PAPPA: variants seen among roughly 807,000 people sequenced by gnomAD.
The protein encoded by PAPPA is pappalysin-1.
A neutral mutation model predicts 164.0 loss-of-function variants in PAPPA; 60 were observed. The ratio of observed to expected loss-of-function variants is 0.37; its 90% confidence interval spans 0.30 to 0.45. PAPPA has a LOEUF of 0.45. Among genes scored for constraint, PAPPA ranks in the 20% least tolerant of loss-of-function variants. PAPPA has a pLI of 1.00. For missense variants in PAPPA, 1,782 were observed against 2,087.3 expected, an observed-to-expected ratio of 0.85 and a Z score of 2.85; for synonymous variants, 875 against 814.1, an observed-to-expected ratio of 1.07 and a Z score of -1.27.
chr9:116,359,696 C>T (rs1846398413), intron 17 of PAPPA, among the ~76,000 whole-genome samples: 1 of 152,184 alleles, frequency 6.6e-6, no homozygotes, highest in Admixed American at 6.5e-5. Flanking sequence ...AGAAAGTCTG[C>T]ATGCAGAGGG....
intron 7 of PAPPA, among the ~76,000 whole-genome samples, chr9:116,257,895 AAT>A (rs1339742451): frequency 1.6e-4 from 24 of 151,984 alleles, no homozygotes; most frequent in African/African-American, 5.6e-4. Flanking sequence ...AAACTATTAG[AAT>A]ACAAATAAAC....
At chr9:116,324,456 A>G (rs1845897673) in intron 10 of PAPPA, among the ~76,000 whole-genome samples, 1 of 152,166 alleles carries the variant, frequency 6.6e-6, no homozygotes, top group Non-Finnish European at 1.5e-5. Flanking sequence ...CTGGGCCCCT[A>G]TTATTTCCTG....
intron 17 of PAPPA, among the ~76,000 whole-genome samples, chr9:116,358,910 A>G (rs572875098): frequency 6.6e-6 from 1 of 152,346 alleles, no homozygotes; most frequent in African/African-American, 2.4e-5. Flanking sequence ...CAGCAAAGTG[A>G]GTAAGAACCT....
chr9:116,284,545 CTTTTTT>C (rs61248033), intron 9 of PAPPA, among the ~76,000 whole-genome samples: 2 of 88,238 alleles, frequency 2.3e-5, no homozygotes, highest in African/African-American at 9.1e-5. Flanking sequence ...TAGTCTGGGC[CTTTTTT>C]TTTTTTTTTT....
intron 5 of PAPPA, among the ~76,000 whole-genome samples, chr9:116,221,372 A>G (rs1844443965): frequency 6.6e-6 from 1 of 152,224 alleles, no homozygotes; most frequent in Non-Finnish European, 1.5e-5. Context: ...TATATTAATG[A>G]TGGTAAAAAT....
intron 1 of PAPPA, among the ~76,000 whole-genome samples, chr9:116,161,207 C>A (rs965092212): frequency 2.6e-5 from 4 of 152,142 alleles, no homozygotes; most frequent in African/African-American, 2.4e-5. Context: ...AGTTAGCAAA[C>A]CTTTTCATGC....
intron 21 of PAPPA, among the ~76,000 whole-genome samples, chr9:116,385,055 G>A (rs1846788778): frequency 1.3e-5 from 2 of 151,900 alleles, no homozygotes; most frequent in African/African-American, 2.4e-5. Flanking sequence ...CCAAGATGGT[G>A]AAACCCCGTC....
chr9:116,320,875 G>A (rs1240225219), intron 10 of PAPPA, among the ~76,000 whole-genome samples: 1 of 152,164 alleles, frequency 6.6e-6, no homozygotes, highest in Non-Finnish European at 1.5e-5. Flanking sequence ...AGGGATAGAA[G>A]TAGGAATGAA....
At position 116,374,189 on chromosome 9, in the gene PAPPA, TG is replaced by T. The variant is rs1846618621; in HGVS notation, c.4606-3386del. Among the ~76,000 whole-genome samples the T allele has an allele frequency of 4.9e-5, 5 of 102,826 alleles. No homozygotes were observed. The East Asian group carries it at 1.4e-3, about 29-fold the overall frequency. 67.5% of individuals were successfully genotyped at this position (102,826 alleles called of 152,430 possible). A position where few individuals can be genotyped will look rare whatever the true frequency, so the allele number is the denominator to read the frequency against. ...GTGGTGTTGATGATGATGATGGTGG[TG>T]ATGATGATGGTGGTGCCAATGGTGC... On this transcript the variant is annotated intron_variant, in intron 19 of 21. Transcript: ENST00000328252.
intron 9 of PAPPA, chr9:116,288,816 C>T (rs2118859517): frequency 6.6e-6 from 1 of 151,926 alleles, no homozygotes; most frequent in Non-Finnish European, 1.5e-5. Flanking sequence ...GGAGGATGGT[C>T]TTTGAGGTGA....
intron 1 of PAPPA, among the ~76,000 whole-genome samples, chr9:116,156,257 A>C (rs10983069): frequency 0.45 from 64,674 of 145,024 alleles, 17,258 homozygotes; most frequent in Non-Finnish European, 0.61. Flanking sequence ...TAACTATGTA[A>C]GTGTGTCTAC....
At position 116,381,297 on chromosome 9, in the gene PAPPA, A is replaced by T. The variant is rs74868828; in HGVS notation, c.4678-1098A>T. On this transcript the variant is annotated intron_variant, in intron 20 of 21. Transcript: ENST00000328252. Reference sequence around the variant, plus strand: ...ACTGCCCTTGCCACTATGCCGGTACAATTACATTCCACTTCAGAAACATTA... The same window carrying T: ...ACTGCCCTTGCCACTATGCCGGTACTATTACATTCCACTTCAGAAACATTA... Among the ~76,000 whole-genome samples the T allele has an allele frequency of 2.5e-3, 376 of 152,326 alleles. 1 individual carries two copies. Among genetic ancestry groups the T allele is most frequent in the Non-Finnish European group, 4.1e-3 (280 of 68,030 alleles).
At position 116,284,545 on chromosome 9, in the gene PAPPA, CTTTTT is replaced by C. The variant is rs61248033; in HGVS notation, c.2953+13148_2953+13152del. Reference sequence around the variant, plus strand: ...CAAAATCTCTATCTTTAGTCTGGGCCTTTTTTTTTTTTTTTTTTTTTTTGACCCAT... The same window carrying C: ...CAAAATCTCTATCTTTAGTCTGGGCCTTTTTTTTTTTTTTTTTTGACCCAT... On this transcript the variant is annotated intron_variant, in intron 9 of 21. Transcript: ENST00000328252. 2.0e-4 allele frequency among the ~76,000 whole-genome samples: 18 copies of C among 88,256 alleles called. No individual in the cohort carries two copies. In the East Asian group the frequency reaches 6.2e-3, roughly 30 times the overall value. 57.9% of individuals were successfully genotyped at this position (88,256 alleles called of 152,430 possible). A position where few individuals can be genotyped will look rare whatever the true frequency, so the allele number is the denominator to read the frequency against.
chr9:116,369,989 C>T (rs1461164540), intron 19 of PAPPA, among the ~76,000 whole-genome samples: 1 of 152,192 alleles, frequency 6.6e-6, no homozygotes, highest in Non-Finnish European at 1.5e-5. Flanking sequence ...CTCTGCTGCA[C>T]CCTTGCCCCT....
In PAPPA at chr9:116,287,943, G is replaced by A. The variant is rs143525473; in HGVS notation, c.2954-14814G>A. 3.8e-4 allele frequency among the ~76,000 whole-genome samples: 58 copies of A among 152,240 alleles called. No homozygotes were observed. In the East Asian group the frequency reaches 7.7e-3, roughly 20 times the overall value. On this transcript the variant is annotated intron_variant, in intron 9 of 21. Coordinates refer to ENST00000328252, the MANE Select transcript of PAPPA (RefSeq NM_002581.5). ...TGGGCAAACACATCCTTCATTTGGC[G>A]GAATCTGACTTCAGAGTGACTGCTT...
At chr9:116,247,669 G>A (rs1275025645) in intron 7 of PAPPA, among the ~76,000 whole-genome samples, 1 of 152,104 alleles carries the variant, frequency 6.6e-6, no homozygotes, top group Non-Finnish European at 1.5e-5. Context: ...GAAGAATGGA[G>A]GAATTTATCT....
At position 116,335,061 on chromosome 9, in the gene PAPPA, C is replaced by G. The variant is rs1325911710; in HGVS notation, c.3598C>G (p.Pro1200Ala). ...CTGCCAGAGAGGGGAGACCTACAGC[C>G]CTGCCGAGCAGAGGTAAGGGATCCG... ...SSCQRGETYSPAEQSCVHFAC... is the reference protein window; with the variant it reads ...SSCQRGETYSAAEQSCVHFAC... The change falls in exon 13 of 22, where the codon CCT becomes GCT. Residue 1200 changes from proline (P) to alanine (A), a missense_variant. This residue lies in a region of PAPPA where 1,324 missense variants were observed against 1,656.9 expected (regional missense o/e 0.80). Coordinates refer to ENST00000328252, the MANE Select transcript of PAPPA (RefSeq NM_002581.5). The G allele has an allele frequency of 6.8e-6, 11 of 1,612,854 alleles. No homozygotes were observed. The highest frequency in any genetic ancestry group is 9.3e-6 in the Non-Finnish European group (11 of 1,179,816).
At chr9:116,377,990 G>A (rs765861559) in intron 20 of PAPPA, among the ~76,000 whole-genome samples, 5 of 152,182 alleles carry the variant, frequency 3.3e-5, no homozygotes, top group Non-Finnish European at 7.3e-5. Flanking sequence ...ATATGCTAAT[G>A]TTGGAAATTT....
chr9:116,273,768 T>C (rs2118830039), intron 9 of PAPPA, among the ~76,000 whole-genome samples: 1 of 152,240 alleles, frequency 6.6e-6, no homozygotes, highest in South Asian at 2.1e-4. Flanking sequence ...AGCGAGACCC[T>C]GTCTCAAAAT....
Sources: allele counts gnomAD v4.1 joint callset (sites outside exome capture counted in the v4.1 genomes callset), GRCh38; gene constraint gnomAD v4.1.1; regional missense constraint gnomAD v4.1.1; transcripts MANE v1.5; gene names NCBI Gene and HGNC (gene_info 2026-07-23, HGNC 2026-07-21).